USH2A: variants seen among roughly 807,000 people sequenced by gnomAD.
USH2A encodes the protein usherin, also known as Usher syndrome 2A (autosomal recessive, mild).
USH2A carries 443 observed loss-of-function variants against 538.9 expected under a neutral mutation model. The observed-to-expected ratio is 0.82, with a 90% CI of 0.76 to 0.89. The LOEUF (loss-of-function observed/expected upper bound fraction) is 0.89. USH2A is among the 40% of genes least tolerant of loss of function. USH2A has a pLI of 0.00. For missense variants in USH2A, 6,633 were observed against 6,324.8 expected, an observed-to-expected ratio of 1.05 and a Z score of -1.65; for synonymous variants, 2,413 against 2,273.5, an observed-to-expected ratio of 1.06 and a Z score of -1.75.
chr1:216,098,093 G>C (rs1011614169), intron 21 of USH2A, among the ~76,000 whole-genome samples: 1 of 149,502 alleles, frequency 6.7e-6, no homozygotes, highest in Non-Finnish European at 1.5e-5. Context: ...CCAGTCCTAT[G>C]AATGATGCCT....
At chr1:215,711,547 T>C (rs959371779) in intron 61 of USH2A, among the ~76,000 whole-genome samples, 3 of 152,310 alleles carry the variant, frequency 2.0e-5, no homozygotes, top group Admixed American at 6.5e-5. Context: ...TCTAGATACA[T>C]TTAACAGGAA....
intron 11 of USH2A, among the ~76,000 whole-genome samples, chr1:216,251,635 G>T (rs1475981907): frequency 3.3e-5 from 5 of 151,808 alleles, no homozygotes; most frequent in Non-Finnish European, 7.4e-5. Flanking sequence ...AATTTTAGCA[G>T]AGGCGAGGTT....
chr1:216,279,956 T>C (rs2036740745), intron 11 of USH2A, among the ~76,000 whole-genome samples: 2 of 151,510 alleles, frequency 1.3e-5, no homozygotes, highest in South Asian at 4.2e-4. Context: ...GTGGGGTCAG[T>C]GGAGGGAAAG....
chr1:216,289,431 G>C (rs1299270167), intron 10 of USH2A, 21 bp from the exon 11 acceptor site: 3 of 1,613,486 alleles, frequency 1.9e-6, no homozygotes, highest in African/African-American at 2.7e-5. Context: ...GAAAGGTTAT[G>C]CATTATGACT....
chr1:216,323,408 C>T (rs549115764), intron 8 of USH2A, 66 bp downstream of exon 8: 4 of 1,519,482 alleles, frequency 2.6e-6, no homozygotes, highest in South Asian at 1.1e-5. Flanking sequence ...GCTCTGACAT[C>T]TTAATGTGCT....
intron 49 of USH2A, among the ~76,000 whole-genome samples, chr1:215,803,342 T>A (rs1303555878): frequency 1.3e-5 from 2 of 152,128 alleles, no homozygotes; most frequent in Admixed American, 1.3e-4. Context: ...GAAGTCAAAT[T>A]GTCCCTGTTT....
At chr1:215,870,355 CG>C (rs1210633673) in intron 43 of USH2A, among the ~76,000 whole-genome samples, 1 of 150,634 alleles carries the variant, frequency 6.6e-6, no homozygotes, top group African/African-American at 2.4e-5. Context: ...AGTGCAGTGG[CG>C]CGATCTCAGC....
At chr1:216,058,117 C>T (rs923061016) in intron 30 of USH2A, among the ~76,000 whole-genome samples, 4 of 152,152 alleles carry the variant, frequency 2.6e-5, no homozygotes, top group Admixed American at 2.6e-4. Flanking sequence ...TCATCTTGAA[C>T]TATGAGGTAG....
At chr1:215,918,852 C>T (rs1666027208) in intron 38 of USH2A, among the ~76,000 whole-genome samples, 1 of 151,934 alleles carries the variant, frequency 6.6e-6, no homozygotes, top group Non-Finnish European at 1.5e-5. Flanking sequence ...TTATTTGTTT[C>T]TAGTAATTTA....
In USH2A at chr1:216,258,054, T is replaced by C. The variant is rs190279238; in HGVS notation, c.1972-6956A>G. Reference sequence around the variant, plus strand: ...GATGCATTTACATCCTCATTATAAGTTGTACTTTCCTGCTTCTTTACATGC... The same window carrying C: ...GATGCATTTACATCCTCATTATAAGCTGTACTTTCCTGCTTCTTTACATGC... On this transcript the variant is annotated intron_variant, in intron 11 of 71. Transcript: ENST00000307340. Among the ~76,000 whole-genome samples, 81 of 152,224 alleles carry C rather than the reference T, an allele frequency of 5.3e-4. No individual in the cohort carries two copies. In the South Asian group the frequency reaches 6.8e-3, roughly 13 times the overall value.
chr1:216,418,178 A>G (rs1024740070), intron 3 of USH2A, among the ~76,000 whole-genome samples: 4 of 152,154 alleles, frequency 2.6e-5, no homozygotes. Flanking sequence ...TAAAATTAGT[A>G]CCAGACATCA....
Position 215,741,465 on chromosome 1 carries a change from A to G in USH2A, c.11621T>C (p.Val3874Ala), listed in dbSNP as rs1660300494. Residue 3874 changes from valine to alanine, a missense_variant, in exon 60 of 72, where the codon GTT becomes GCT. Val to Ala is a moderately conservative substitution (Grantham distance 64). Coordinates refer to ENST00000307340, the MANE Select transcript of USH2A (RefSeq NM_206933.4). ...GCAAGCTGACCCCAGTGCCTTAAGAACAGGAGAATTAAGATCCATTGGGGC... is the reference window on the plus strand; with the variant it reads ...GCAAGCTGACCCCAGTGCCTTAAGAGCAGGAGAATTAAGATCCATTGGGGC... Reference protein sequence around the residue: ...EAAPMDLNSPVLKALGSACIE... With the variant: ...EAAPMDLNSPALKALGSACIE... 2.5e-6 allele frequency: 4 copies of G among 1,614,074 alleles called. No homozygotes were observed. The highest frequency in any genetic ancestry group is 3.4e-6 in the Non-Finnish European group (4 of 1,180,000).
intron 21 of USH2A, among the ~76,000 whole-genome samples, chr1:216,164,172 G>A (rs567259107): frequency 6.6e-6 from 1 of 152,172 alleles, no homozygotes; most frequent in East Asian, 1.9e-4. Context: ...GTGAAATAAG[G>A]AAAAACTGCA....
intron 61 of USH2A, among the ~76,000 whole-genome samples, chr1:215,707,205 A>G (rs1484185682): frequency 1.3e-5 from 2 of 152,348 alleles, no homozygotes; most frequent in East Asian, 3.9e-4. Context: ...TTATCTTAGC[A>G]GAGAGGCAGA....
intron 40 of USH2A, among the ~76,000 whole-genome samples, chr1:215,894,968 G>A (rs1456732847): frequency 6.6e-6 from 1 of 152,174 alleles, no homozygotes; most frequent in African/African-American, 2.4e-5. Context: ...GGTCTTCTCT[G>A]GGTAGGCTTT....
At chr1:215,817,223 C>T (rs973755579) in intron 47 of USH2A, 28 bp from the exon 48 acceptor site, 4 of 1,607,270 alleles carry the variant, frequency 2.5e-6, no homozygotes, top group Admixed American at 3.3e-5. Context: ...ATCAATACTT[C>T]TGAAAAGACA....
intron 9 of USH2A, among the ~76,000 whole-genome samples, chr1:216,309,303 T>G (rs2037377862): frequency 6.6e-6 from 1 of 152,156 alleles, no homozygotes; most frequent in African/African-American, 2.4e-5. Context: ...CATAAAAATA[T>G]TATAGATCTT....
Position 215,634,614 on chromosome 1 carries a change from C to T in USH2A, c.15142G>A (p.Ala5048Thr), listed in dbSNP as rs371182500. The T allele has an allele frequency of 2.5e-6, 4 of 1,614,110 alleles. No individual in the cohort carries two copies. Among genetic ancestry groups the T allele is most frequent in the Non-Finnish European group, 2.5e-6 (3 of 1,180,052 alleles). ...YSELWFIVLM[A>T]MLGLILLAIF... ...GCCAACAAGATCAAGCCCAGCATCG[C>T]CATTAACACTATGAACCACAGCTCG... Residue 5048 changes from alanine to threonine, a missense_variant, in exon 70 of 72, where the codon GCG (alanine) becomes ACG (threonine). By Grantham distance (58) the Ala-to-Thr change is moderately conservative. Coordinates refer to ENST00000307340, the MANE Select transcript of USH2A (RefSeq NM_206933.4).
intron 34 of USH2A, among the ~76,000 whole-genome samples, chr1:215,994,789 TGC>T (rs1558200534): frequency 6.6e-6 from 1 of 152,032 alleles, no homozygotes; most frequent in African/African-American, 2.4e-5. Flanking sequence ...AAAAAATAAT[TGC>T]CCAACGATTA....
Sources: gnomAD v4.1 joint callset for allele counts (sites outside exome capture counted in the v4.1 genomes callset) on GRCh38, gnomAD v4.1.1 for gene constraint, MANE v1.5 for transcripts, NCBI Gene and HGNC (gene_info 2026-07-23, HGNC 2026-07-21) for gene names.